Variants in KSR2 observed in about 807,000 individuals in gnomAD.
KSR2 encodes the protein kinase suppressor of ras 2.
A neutral mutation model predicts 107.8 loss-of-function variants in KSR2; 25 were observed. The observed-to-expected ratio is 0.23, with a 90% CI of 0.17 to 0.32. The LOEUF is 0.32. Among genes scored for constraint, KSR2 ranks in the 10% least tolerant of loss-of-function variants. KSR2 has a pLI of 1.00. For synonymous variants in KSR2, 480 were observed against 507.0 expected (o/e 0.95, Z 0.71); for missense variants, 887 against 1,268.9 (o/e 0.70, Z 4.57).
Position 117,775,599 on chromosome 12 carries a change from C to G in KSR2, c.473-14075G>C, listed in dbSNP as rs117674576. Among the ~76,000 whole-genome samples, 334 of 152,322 alleles carry G rather than the reference C, an allele frequency of 2.2e-3. 8 individuals are homozygous for G. In the East Asian group the frequency reaches 0.054, roughly 25 times the overall value. On this transcript the variant is annotated intron_variant, in intron 3 of 19. Coordinates refer to ENST00000339824, the MANE Select transcript of KSR2 (RefSeq NM_173598.6). ...TGGCAGTCTGACCACAGAGCACGTT[C>G]TCTTGGCTGCTATAAACATACTGCA...
intron 14 of KSR2, among the ~76,000 whole-genome samples, chr12:117,521,234 T>C (rs1057244958): frequency 6.6e-5 from 10 of 152,220 alleles, no homozygotes; most frequent in Admixed American, 6.5e-4. Context: ...ACGCCATCTT[T>C]GAGAAGCACT....
In KSR2 at chr12:117,731,752, C is replaced by G. The variant is rs373006686; in HGVS notation, c.986+29259G>C. On this transcript the variant is annotated intron_variant, in intron 4 of 19. Transcript: ENST00000339824. ...GACCTTACCCCCAACCCCGTGCTCT[C>G]TGAAACATGTGCTGTGTCCACTCAG... Among the ~76,000 whole-genome samples the G allele has an allele frequency of 7.9e-5, 12 of 152,008 alleles. No individual in the cohort carries two copies. The East Asian group carries it at 2.3e-3, about 29-fold the overall frequency.
Position 117,731,335 on chromosome 12 carries a change from G to A in KSR2, c.986+29676C>T, listed in dbSNP as rs930278711. Among the ~76,000 whole-genome samples the A allele has an allele frequency of 1.2e-4, 17 of 144,092 alleles. 1 individual carries two copies. The highest frequency in any genetic ancestry group is 2.3e-4 in the Non-Finnish European group (15 of 65,466). The allele number at this position is 144,092 out of a possible 152,430, so 94.5% of individuals were successfully genotyped here. A position where few individuals can be genotyped will look rare whatever the true frequency, so the allele number is the denominator to read the frequency against. On this transcript the variant is annotated intron_variant, in intron 4 of 19. Transcript: ENST00000339824. The stretch of plus-strand genomic sequence containing the variant: ...AGCAGCCGCCCCGTCTGAGAAGTGA[G>A]GAGCCCCCCCGCCCAGCAGCCGCCC...
intron 1 of KSR2, among the ~76,000 whole-genome samples, chr12:117,936,514 A>T (rs200031078): frequency 3.4e-4 from 15 of 43,568 alleles, no homozygotes; most frequent in African/African-American, 5.2e-4. Context: ...TTATTATTTT[A>T]TTATTATTAT....
chr12:117,764,979 G>T (rs938295730), intron 3 of KSR2, among the ~76,000 whole-genome samples: 1 of 152,196 alleles, frequency 6.6e-6, no homozygotes, highest in African/African-American at 2.4e-5. Flanking sequence ...CTAGCTACTG[G>T]CATTGTAATT....
At chr12:117,501,585 C>A (rs1873380283) in intron 14 of KSR2, among the ~76,000 whole-genome samples, 2 of 152,158 alleles carry the variant, frequency 1.3e-5, no homozygotes, top group South Asian at 4.1e-4. Context: ...GGTGGGCAGG[C>A]ACATATTACA....
chr12:117,712,217 A>G (rs1886810296), intron 4 of KSR2, among the ~76,000 whole-genome samples: 1 of 152,174 alleles, frequency 6.6e-6, no homozygotes, highest in Non-Finnish European at 1.5e-5. Flanking sequence ...CAATAGCCTC[A>G]TCTCTACTAA....
At chr12:117,806,534 T>C (rs1260724178) in intron 3 of KSR2, among the ~76,000 whole-genome samples, 3 of 152,192 alleles carry the variant, frequency 2.0e-5, no homozygotes, top group African/African-American at 7.2e-5. Flanking sequence ...AACATGAAAT[T>C]GACCATTTTC....
chr12:117,592,601 G>A (rs1479957580), intron 5 of KSR2, among the ~76,000 whole-genome samples: 1 of 152,144 alleles, frequency 6.6e-6, no homozygotes, highest in African/African-American at 2.4e-5. Flanking sequence ...TTTCTCAGAT[G>A]GCCTCAATTA....
At chr12:117,541,664 G>A (rs187086125) in intron 9 of KSR2, among the ~76,000 whole-genome samples, 2 of 152,142 alleles carry the variant, frequency 1.3e-5, no homozygotes, top group East Asian at 3.9e-4. Context: ...TGGTCAACAG[G>A]TATGCTTATC....
At chr12:117,901,098 T>G (rs1894668213) in intron 1 of KSR2, among the ~76,000 whole-genome samples, 1 of 152,028 alleles carries the variant, frequency 6.6e-6, no homozygotes, top group African/African-American at 2.4e-5. Flanking sequence ...AATGAAACAG[T>G]GCACAGTGCG....
intron 4 of KSR2, among the ~76,000 whole-genome samples, chr12:117,669,509 A>G (rs977104494): frequency 2.0e-5 from 3 of 152,098 alleles, no homozygotes; most frequent in African/African-American, 7.2e-5. Flanking sequence ...AATAATGGAC[A>G]ATACCTAACA....
chr12:117,743,761 C>T (rs781470662), intron 4 of KSR2, among the ~76,000 whole-genome samples: 4 of 152,200 alleles, frequency 2.6e-5, no homozygotes, highest in Non-Finnish European at 4.4e-5. Flanking sequence ...CATTGGTATA[C>T]AAATGCACTC....
intron 4 of KSR2, among the ~76,000 whole-genome samples, chr12:117,720,997 A>G (rs1412225177): frequency 2.0e-5 from 3 of 152,230 alleles, no homozygotes; most frequent in Non-Finnish European, 4.4e-5. Flanking sequence ...CTTAGGTCCC[A>G]TTCGGCCATC....
At chr12:117,808,393 C>T (rs568464759) in intron 3 of KSR2, among the ~76,000 whole-genome samples, 2 of 152,156 alleles carry the variant, frequency 1.3e-5, no homozygotes, top group African/African-American at 2.4e-5. Flanking sequence ...GCTCCAACCT[C>T]GATAAGTGGG....
At position 117,458,482 on chromosome 12, in the gene KSR2, G is replaced by A. The variant is rs1281875355; in HGVS notation, c.*8717C>T. On this transcript the variant is annotated 3_prime_UTR_variant, in exon 20 of 20. Coordinates refer to ENST00000339824, the MANE Select transcript of KSR2 (RefSeq NM_173598.6). ...TAGACTTTCAAATTTAAGAAGGCGC[G>A]ATGCAAATAGCATGTTGGCATAAAC... 3.3e-5 allele frequency: 5 copies of A among 152,050 alleles called. No individual in the cohort carries two copies. Among genetic ancestry groups the A allele is most frequent in the Admixed American group, 2.6e-4 (4 of 15,262 alleles). 9.4% of individuals were successfully genotyped at this position (152,050 alleles called of 1,614,324 possible). A position where few individuals can be genotyped will look rare whatever the true frequency, so the allele number is the denominator to read the frequency against.
Position 117,949,779 on chromosome 12 carries a change from T to C in KSR2, c.180+18297A>G, listed in dbSNP as rs561408148. On this transcript the variant is annotated intron_variant, in intron 1 of 19. Transcript: ENST00000339824. ...GGTGGAGGGAGAATTAGCTACATGATGGTAAATGTTCTATATCTTGATGGA... is the reference window on the plus strand; with the variant it reads ...GGTGGAGGGAGAATTAGCTACATGACGGTAAATGTTCTATATCTTGATGGA... 6.6e-5 allele frequency among the ~76,000 whole-genome samples: 10 copies of C among 152,350 alleles called. No individual in the cohort carries two copies. In the South Asian group the frequency reaches 2.1e-3, roughly 32 times the overall value.
chr12:117,472,336 T>G (rs1323359141), intron 17 of KSR2, among the ~76,000 whole-genome samples: 1 of 152,116 alleles, frequency 6.6e-6, no homozygotes, highest in Non-Finnish European at 1.5e-5. Context: ...AAGGGGGTGA[T>G]GGGCCAGGTG....
chr12:117,892,992 G>A (rs1350659441), intron 1 of KSR2, among the ~76,000 whole-genome samples: 1 of 151,852 alleles, frequency 6.6e-6, no homozygotes, highest in Non-Finnish European at 1.5e-5. Context: ...AAATGAAGGG[G>A]GAAACTGGGA....
Sources: allele counts gnomAD v4.1 joint callset (sites outside exome capture counted in the v4.1 genomes callset), GRCh38; gene constraint gnomAD v4.1.1; transcripts MANE v1.5; gene names NCBI Gene and HGNC (gene_info 2026-07-23, HGNC 2026-07-21).